CADPS2: variants seen among roughly 807,000 people sequenced by gnomAD.
CADPS2 encodes calcium-dependent secretion activator 2.
Under a neutral mutation model 172.5 loss-of-function variants are expected in CADPS2, and 93 were observed. That is an observed-to-expected ratio of 0.54 (90% CI 0.46 to 0.64). The LOEUF is 0.64. Among genes scored for constraint, CADPS2 ranks in the 30% least tolerant of loss-of-function variants. The pLI is 0.00. For synonymous variants in CADPS2, 546 were observed against 555.2 expected (o/e 0.98, Z 0.23); for missense variants, 1,420 against 1,565.9 (o/e 0.91, Z 1.57).
chr7:122,783,922 C>G (rs985461478), intron 1 of CADPS2, among the ~76,000 whole-genome samples: 1 of 152,162 alleles, frequency 6.6e-6, no homozygotes, highest in Non-Finnish European at 1.5e-5. Flanking sequence ...AACTCTCAGG[C>G]CTTCCAAGAG....
chr7:122,529,660 G>A (rs1454412038), intron 8 of CADPS2, among the ~76,000 whole-genome samples: 1 of 152,002 alleles, frequency 6.6e-6, no homozygotes, highest in East Asian at 1.9e-4. Flanking sequence ...TCTTTTGGAT[G>A]GCACCATCTA....
rs2032059940 is a variant in CADPS2, at chr7:122,320,013, C to T, written c.*152G>A. 2.6e-6 allele frequency: 2 copies of T among 764,140 alleles called. No homozygotes were observed. Among genetic ancestry groups the T allele is most frequent in the South Asian group, 4.5e-5 (1 of 22,076 alleles). 47.3% of individuals were successfully genotyped at this position (764,140 alleles called of 1,614,324 possible). ...AAACCCCAAAATCTTGGCATTTCCC[C>T]TTTTACTCTACATTCAGGCTTACTT... On this transcript the variant is annotated 3_prime_UTR_variant, in exon 30 of 30. Coordinates refer to ENST00000449022, the MANE Select transcript of CADPS2 (RefSeq NM_017954.11).
At chr7:122,738,514 G>C (rs1315421407) in intron 1 of CADPS2, among the ~76,000 whole-genome samples, 1 of 151,636 alleles carries the variant, frequency 6.6e-6, no homozygotes, top group Non-Finnish European at 1.5e-5. Flanking sequence ...CATTTCATTC[G>C]ATCCTGATCA....
chr7:122,570,651 A>G (rs1372261164), intron 7 of CADPS2, among the ~76,000 whole-genome samples: 3 of 151,168 alleles, frequency 2.0e-5, no homozygotes, highest in Admixed American at 6.6e-5. Flanking sequence ...CAACAATGAT[A>G]GACTGGATTA....
At chr7:122,352,162 A>G (rs367858417) in intron 27 of CADPS2, among the ~76,000 whole-genome samples, 11 of 152,180 alleles carry the variant, frequency 7.2e-5, no homozygotes, top group African/African-American at 2.7e-4. Flanking sequence ...ATACAGTAGC[A>G]CCAAACACAA....
intron 2 of CADPS2, among the ~76,000 whole-genome samples, chr7:122,733,486 T>A: frequency 8.0e-6 from 1 of 124,784 alleles, no homozygotes; most frequent in Non-Finnish European, 1.9e-5. Context: ...ACAATGTGAA[T>A]CAAAATTATC....
At chr7:122,483,545 T>C (rs1223520074) in intron 11 of CADPS2, among the ~76,000 whole-genome samples, 1 of 152,108 alleles carries the variant, frequency 6.6e-6, no homozygotes, top group African/African-American at 2.4e-5. Context: ...TACATGTACA[T>C]AACATGTACA....
chr7:122,637,208 T>TTTTTTTTTTTTTTTTTTTTTTTTCTC (rs778963218), intron 3 of CADPS2, among the ~76,000 whole-genome samples: 4 of 62,694 alleles, frequency 6.4e-5, no homozygotes, highest in East Asian at 6.9e-4. Flanking sequence ...TTTTTTTTTT[T>TTTTTTTTTTTTTTTTTTTTTTTTCTC]CCTGAGACAG....
chr7:122,667,062 T>G (rs912890507), intron 2 of CADPS2, among the ~76,000 whole-genome samples: 6 of 152,190 alleles, frequency 3.9e-5, no homozygotes, highest in Non-Finnish European at 8.8e-5. Flanking sequence ...TACTAACCAA[T>G]TTGTTATTGT....
intron 1 of CADPS2, among the ~76,000 whole-genome samples, chr7:122,817,091 T>G (rs1015187436): frequency 1.3e-5 from 2 of 151,946 alleles, no homozygotes; most frequent in Middle Eastern, 3.2e-3. Flanking sequence ...CTTTTCAGAC[T>G]CAGCCCGCCT....
At chr7:122,404,585 T>C (rs1335599865) in intron 20 of CADPS2, among the ~76,000 whole-genome samples, 1 of 152,182 alleles carries the variant, frequency 6.6e-6, no homozygotes, top group Non-Finnish European at 1.5e-5. Context: ...TCCACAATGG[T>C]TGAACTAGTT....
intron 6 of CADPS2, among the ~76,000 whole-genome samples, chr7:122,593,791 A>G (rs2071296096): frequency 6.6e-6 from 1 of 152,026 alleles, no homozygotes; most frequent in Non-Finnish European, 1.5e-5. Flanking sequence ...AGAAAGAGAG[A>G]GGAAGAAAAA....
At chr7:122,642,319 A>T (rs2077749445) in intron 3 of CADPS2, among the ~76,000 whole-genome samples, 1 of 151,620 alleles carries the variant, frequency 6.6e-6, no homozygotes, top group African/African-American at 2.4e-5. Context: ...ACCTAATGTA[A>T]CAGTCTATTA....
chr7:122,853,108 C>T (rs965772857), intron 1 of CADPS2, among the ~76,000 whole-genome samples: 4 of 152,218 alleles, frequency 2.6e-5, no homozygotes, highest in African/African-American at 9.6e-5. Flanking sequence ...TCTGTTTGGT[C>T]TCCCATCTAT....
chr7:122,575,153 C>T (rs1024253358), intron 7 of CADPS2, among the ~76,000 whole-genome samples: 15 of 149,990 alleles, frequency 1.0e-4, no homozygotes, highest in African/African-American at 3.5e-4. Flanking sequence ...AATTTGGATG[C>T]TTAAAAATGT....
intron 15 of CADPS2, 24 bp from the exon 16 acceptor site, chr7:122,441,599 A>G: frequency 6.8e-7 from 1 of 1,465,296 alleles, no homozygotes; most frequent in Non-Finnish European, 9.2e-7. Context: ...AGAAAGAACA[A>G]AAGAGTCAAA....
At chr7:122,850,024 C>T in intron 1 of CADPS2, 1 of 982,046 alleles carries the variant, frequency 1.0e-6, no homozygotes, top group Admixed American at 3.5e-5. Context: ...GAACAGAAGG[C>T]CCTGCTGCAT....
intron 3 of CADPS2, among the ~76,000 whole-genome samples, chr7:122,651,632 T>C (rs2079154666): frequency 6.6e-6 from 1 of 152,136 alleles, no homozygotes; most frequent in South Asian, 2.1e-4. Context: ...CATGAAGAAT[T>C]TGAGTGGGAG....
chr7:122,479,301 T>A (rs2057035697), intron 12 of CADPS2, among the ~76,000 whole-genome samples: 1 of 152,210 alleles, frequency 6.6e-6, no homozygotes, highest in Non-Finnish European at 1.5e-5. Flanking sequence ...CATTTACCAC[T>A]ACTCACATCT....
Sources: allele counts gnomAD v4.1 joint callset (sites outside exome capture counted in the v4.1 genomes callset), GRCh38; gene constraint gnomAD v4.1.1; transcripts MANE v1.5; gene names NCBI Gene and HGNC (gene_info 2026-07-23, HGNC 2026-07-21).